MCTP2: variants seen among roughly 807,000 people sequenced by gnomAD.
MCTP2 encodes the protein multiple C2 and transmembrane domain containing 2.
In MCTP2, 132 loss-of-function variants were observed where a neutral mutation model predicts 111.6. The observed-to-expected ratio is 1.18, with a 90% confidence interval of 1.03 to 1.37. The LOEUF (loss-of-function observed/expected upper bound fraction) is 1.37, where lower values mean the gene tolerates loss of function less well. Among genes scored for constraint, MCTP2 ranks in the 40% most tolerant of loss-of-function variants. The pLI, the probability that MCTP2 is intolerant of heterozygous loss-of-function variation, is 0.00. For missense variants in MCTP2, 1,183 were observed against 1,067.9 expected, an observed-to-expected ratio of 1.11 and a Z score of -1.50; for synonymous variants, 395 against 387.7, an observed-to-expected ratio of 1.02 and a Z score of -0.22.
chr15:94,443,904 C>T (rs537527143), intron 19 of MCTP2, among the ~76,000 whole-genome samples: 9 of 127,072 alleles, frequency 7.1e-5, no homozygotes, highest in African/African-American at 1.2e-4. Flanking sequence ...TGTTAGCTAG[C>T]GGTTTCTGAG....
chr15:94,386,956 C>A (rs1472570956), intron 14 of MCTP2, among the ~76,000 whole-genome samples: 2 of 152,122 alleles, frequency 1.3e-5, no homozygotes, highest in Admixed American at 6.5e-5. Flanking sequence ...TCTCTTCTTC[C>A]CTCCTTGTAG....
At position 94,359,642 on chromosome 15, in the gene MCTP2, C is replaced by T. The variant is rs537317722; in HGVS notation, c.1301+1030C>T. Among the ~76,000 whole-genome samples the T allele has an allele frequency of 3.3e-5, 5 of 152,204 alleles. No individual in the cohort carries two copies. The East Asian group carries it at 7.7e-4, about 24-fold the overall frequency. On this transcript the variant is annotated intron_variant, in intron 10 of 22. Coordinates refer to ENST00000357742, the MANE Select transcript of MCTP2 (RefSeq NM_001385001.1). ...TCCATTTGCAGAAAGGGTTTTGTTG[C>T]TGAAAACTAAAGATTGAAAACCACT...
intron 14 of MCTP2, among the ~76,000 whole-genome samples, chr15:94,390,936 G>A (rs2080929381): frequency 6.6e-6 from 1 of 151,880 alleles, no homozygotes; most frequent in African/African-American, 2.4e-5. Context: ...CACCATGTTG[G>A]CCAGGCTGGT....
At chr15:94,291,587 G>A (rs981859382) in intron 1 of MCTP2, among the ~76,000 whole-genome samples, 2 of 150,984 alleles carry the variant, frequency 1.3e-5, no homozygotes, top group Non-Finnish European at 2.9e-5. Flanking sequence ...GGCTACAAGA[G>A]CGAAACTCTG....
chr15:94,234,293 G>A (rs998130516), intron 1 of MCTP2, among the ~76,000 whole-genome samples: 1 of 152,104 alleles, frequency 6.6e-6, no homozygotes, highest in Non-Finnish European at 1.5e-5. Context: ...TACAAAATTA[G>A]GTGTGAAAGT....
intron 4 of MCTP2, among the ~76,000 whole-genome samples, chr15:94,317,771 G>C (rs541926788): frequency 6.6e-6 from 1 of 152,270 alleles, no homozygotes; most frequent in Non-Finnish European, 1.5e-5. Flanking sequence ...AGAACTGTAT[G>C]AAGTATGTCC....
chr15:94,405,438 C>G (rs893971454), intron 17 of MCTP2, among the ~76,000 whole-genome samples: 2 of 152,138 alleles, frequency 1.3e-5, no homozygotes, highest in Admixed American at 6.5e-5. Flanking sequence ...TTGTTGAAAG[C>G]AGCAGTTAAA....
intron 19 of MCTP2, 106 bp downstream of exon 19, chr15:94,443,066 A>C: frequency 1.3e-6 from 1 of 751,974 alleles, no homozygotes; most frequent in East Asian, 2.9e-5. Flanking sequence ...TTTTTTTTTA[A>C]TATGATAGAG....
At chr15:94,297,871 T>C (rs1185363201) in intron 1 of MCTP2, among the ~76,000 whole-genome samples, 2 of 152,184 alleles carry the variant, frequency 1.3e-5, no homozygotes, top group Non-Finnish European at 2.9e-5. Context: ...TTCTCGTGAA[T>C]GTCTTTAGCT....
intron 19 of MCTP2, among the ~76,000 whole-genome samples, chr15:94,446,049 A>C (rs552652193): frequency 1.6e-4 from 24 of 152,182 alleles, no homozygotes; most frequent in Non-Finnish European, 1.0e-4. Flanking sequence ...TATTGTCTGG[A>C]ACAGGGATTG....
chr15:94,452,897 T>C (rs1335649566), intron 19 of MCTP2, among the ~76,000 whole-genome samples: 1 of 152,200 alleles, frequency 6.6e-6, no homozygotes. Context: ...TTTCCCTGTC[T>C]CACATGAGTA....
At chr15:94,314,234 T>C (rs753307186) in intron 2 of MCTP2, 48 bp from the exon 3 acceptor site, 7 of 1,303,842 alleles carry the variant, frequency 5.4e-6, no homozygotes, top group Non-Finnish European at 7.7e-6. Context: ...CCTGAGTTGG[T>C]ATTAATTTGC....
At chr15:94,425,946 T>C (rs1445617873) in intron 17 of MCTP2, among the ~76,000 whole-genome samples, 1 of 152,144 alleles carries the variant, frequency 6.6e-6, no homozygotes, top group Non-Finnish European at 1.5e-5. Flanking sequence ...ATGGATTAGG[T>C]AAATCTTATA....
At chr15:94,368,241 T>G (rs2079301914) in intron 11 of MCTP2, among the ~76,000 whole-genome samples, 1 of 152,228 alleles carries the variant, frequency 6.6e-6, no homozygotes, top group Non-Finnish European at 1.5e-5. Flanking sequence ...TAACACTAGC[T>G]GGACATGAAG....
chr15:94,243,691 A>G (rs753475034), intron 1 of MCTP2, among the ~76,000 whole-genome samples: 47 of 142,902 alleles, frequency 3.3e-4, no homozygotes, highest in African/African-American at 1.2e-3. Flanking sequence ...GTATACACAT[A>G]CATATGCGTA....
chr15:94,242,637 C>T (rs148085903), intron 1 of MCTP2, among the ~76,000 whole-genome samples: 1 of 151,806 alleles, frequency 6.6e-6, no homozygotes, highest in Admixed American at 6.6e-5. Flanking sequence ...GTCTATTTAC[C>T]CAACTTGAGG....
At chr15:94,270,254 A>G (rs2073835854) in intron 1 of MCTP2, among the ~76,000 whole-genome samples, 1 of 152,342 alleles carries the variant, frequency 6.6e-6, no homozygotes, top group Middle Eastern at 3.4e-3. Flanking sequence ...ACACTGAGAT[A>G]GAGAGGCTTC....
chr15:94,336,558 T>G (rs922833239), intron 4 of MCTP2, among the ~76,000 whole-genome samples: 1 of 151,956 alleles, frequency 6.6e-6, no homozygotes, highest in African/African-American at 2.4e-5. Flanking sequence ...GAGGCAGACA[T>G]GATGACCCGT....
chr15:94,464,269 A>ATATATAATATATATATATAT (rs2085453466), intron 20 of MCTP2, among the ~76,000 whole-genome samples: 1 of 61,502 alleles, frequency 1.6e-5, no homozygotes, highest in African/African-American at 5.6e-5. Flanking sequence ...ATATATATAT[A>ATATATAATATATATATATAT]TATATATATA....
Sources: allele counts gnomAD v4.1 joint callset (sites outside exome capture counted in the v4.1 genomes callset), GRCh38; gene constraint gnomAD v4.1.1; transcripts MANE v1.5; gene names NCBI Gene and HGNC (gene_info 2026-07-23, HGNC 2026-07-21).